The following CALN1 variants were observed in gnomAD, a reference collection of about 807,000 sequenced individuals.
The protein encoded by CALN1 is calneuron 1.
In CALN1, 17 loss-of-function variants were observed where a neutral mutation model predicts 30.6. The observed-to-expected ratio is 0.56, with a 90% CI of 0.38 to 0.83. The LOEUF (loss-of-function observed/expected upper bound fraction) is 0.83, where lower values mean the gene tolerates loss of function less well. Ranked by LOEUF, CALN1 falls within the 40% of genes least tolerant of loss-of-function variation. CALN1 has a pLI of 0.00. For missense variants in CALN1, 291 were observed against 354.9 expected, an observed-to-expected ratio of 0.82 and a Z score of 1.45; for synonymous variants, 156 against 131.4, an observed-to-expected ratio of 1.19 and a Z score of -1.28.
intron 2 of CALN1, among the ~76,000 whole-genome samples, chr7:72,302,800 C>T (rs915178357): frequency 2.0e-4 from 29 of 142,526 alleles, no homozygotes; most frequent in Non-Finnish European, 2.1e-4. Context: ...GAGACTGAGG[C>T]ACGAGAATTG....
intron 5 of CALN1, among the ~76,000 whole-genome samples, chr7:71,994,486 T>C (rs1379231009): frequency 8.1e-6 from 1 of 122,868 alleles, no homozygotes; most frequent in African/African-American, 3.3e-5. Context: ...CACTCCACCC[T>C]GGGCGACAGA....
intron 3 of CALN1, among the ~76,000 whole-genome samples, chr7:72,161,796 A>G (rs1333635704): frequency 2.0e-5 from 3 of 152,036 alleles, no homozygotes; most frequent in African/African-American, 7.2e-5. Context: ...GAGGGAGAGC[A>G]TCCGGAAGAA....
intron 5 of CALN1, among the ~76,000 whole-genome samples, chr7:71,841,810 G>C (rs1413661794): frequency 2.6e-5 from 4 of 151,982 alleles, no homozygotes; most frequent in Non-Finnish European, 5.9e-5. Flanking sequence ...GGTCCATATG[G>C]ACATAAAAAT....
At chr7:72,141,098 C>G (rs532228890) in intron 3 of CALN1, among the ~76,000 whole-genome samples, 21 of 152,290 alleles carry the variant, frequency 1.4e-4, no homozygotes, top group African/African-American at 4.8e-4. Context: ...TGGCTCCAGC[C>G]TCTCTGCGTC....
chr7:71,939,509 G>T (rs1264288164), intron 5 of CALN1, among the ~76,000 whole-genome samples: 1 of 151,466 alleles, frequency 6.6e-6, no homozygotes. Flanking sequence ...GGAGGCAGAG[G>T]TTGCAGCAAG....
At chr7:71,865,940 A>T (rs1186195637) in intron 5 of CALN1, among the ~76,000 whole-genome samples, 1 of 152,224 alleles carries the variant, frequency 6.6e-6, no homozygotes, top group Non-Finnish European at 1.5e-5. Flanking sequence ...AGTAGTAAAT[A>T]AAACACAAAA....
chr7:72,229,946 T>C (rs1465016617), intron 3 of CALN1, among the ~76,000 whole-genome samples: 1 of 151,700 alleles, frequency 6.6e-6, no homozygotes, highest in Non-Finnish European at 1.5e-5. Flanking sequence ...ATCGAGACCA[T>C]CCTGGCTAAC....
intron 2 of CALN1, among the ~76,000 whole-genome samples, chr7:72,387,215 AAGGAAGGGAAGGAAGGGAAGGGAG>A (rs1562938976): frequency 9.3e-6 from 1 of 107,362 alleles, no homozygotes; most frequent in African/African-American, 3.4e-5. Context: ...GGAGGGAAGG[AAGGAAGGGAAGGAAGGGAAGGGAG>A]GGGAGGGAGG....
chr7:71,913,549 A>T (rs1794534910), intron 5 of CALN1, among the ~76,000 whole-genome samples: 2 of 152,184 alleles, frequency 1.3e-5, no homozygotes, highest in Non-Finnish European at 2.9e-5. Context: ...TACAAGTTGC[A>T]AAAGGTTTTA....
intron 2 of CALN1, among the ~76,000 whole-genome samples, chr7:72,316,331 T>G (rs567118748): frequency 5.2e-3 from 787 of 150,594 alleles, no homozygotes; most frequent in Non-Finnish European, 7.4e-3. Context: ...GTAATTACGG[T>G]TTTTGCCATT....
chr7:72,205,551 A>AATATATACATATATAT, intron 3 of CALN1, among the ~76,000 whole-genome samples: 1 of 83,044 alleles, frequency 1.2e-5, no homozygotes, highest in Admixed American at 1.4e-4. Context: ...GCAAAAAAAA[A>AATATATACATATATAT]ATATATATAT....
At chr7:72,480,833 T>C in the CALN1 span, among the ~76,000 whole-genome samples, 1 of 152,176 alleles carries the variant, frequency 6.6e-6, no homozygotes, top group Non-Finnish European at 1.5e-5. Flanking sequence ...AAATTGTTCA[T>C]CATATTTTTT....
chr7:72,399,284 T>TTTC, intron 2 of CALN1, among the ~76,000 whole-genome samples: 1 of 147,088 alleles, frequency 6.8e-6, no homozygotes, highest in African/African-American at 2.6e-5. Context: ...TTTTTTTTTT[T>TTTC]TTTTTGAGAT....
chr7:71,826,525 T>C (rs773471044), intron 5 of CALN1, among the ~76,000 whole-genome samples: 5 of 152,170 alleles, frequency 3.3e-5, no homozygotes, highest in Non-Finnish European at 5.9e-5. Context: ...GTCCCCAGTC[T>C]CTGCTCCTGA....
rs754791061 is a variant in CALN1 at position 71,800,635 on chromosome 7, C to T, written c.658+9701G>A. ...TCGACTTCCAAATATAATATGCTTT[C>T]GTCGGCAATGAAATGGAAAATGAGC... On this transcript the variant is annotated intron_variant, in intron 6 of 6. Coordinates refer to ENST00000395275, the MANE Select transcript of CALN1 (RefSeq NM_031468.4). 5.9e-5 allele frequency among the ~76,000 whole-genome samples: 9 copies of T among 152,186 alleles called. 1 individual carries two copies. The Middle Eastern group carries it at 0.02, about 345-fold the overall frequency.
intron 2 of CALN1, among the ~76,000 whole-genome samples, chr7:72,332,813 T>A (rs562796221): frequency 9.9e-5 from 15 of 152,266 alleles, no homozygotes; most frequent in African/African-American, 3.6e-4. Context: ...ATTCATCCCA[T>A]CTTCTCCATC....
intron 3 of CALN1, among the ~76,000 whole-genome samples, chr7:72,274,925 G>T (rs1161007757): frequency 6.6e-6 from 1 of 152,100 alleles, no homozygotes; most frequent in Non-Finnish European, 1.5e-5. Context: ...AAGAAATAGG[G>T]ACTTCCCAGA....
chr7:71,903,541 C>T (rs1054735707), intron 5 of CALN1, among the ~76,000 whole-genome samples: 1 of 152,090 alleles, frequency 6.6e-6, no homozygotes. Context: ...ACATCTTATA[C>T]AAAAATCAAC....
At chr7:72,190,962 C>T (rs1790553172) in intron 3 of CALN1, among the ~76,000 whole-genome samples, 1 of 152,080 alleles carries the variant, frequency 6.6e-6, no homozygotes, top group African/African-American at 2.4e-5. Context: ...TACACATTCC[C>T]ATTTCTAATT....
Sources: allele counts gnomAD v4.1 joint callset (sites outside exome capture counted in the v4.1 genomes callset), GRCh38; gene constraint gnomAD v4.1.1; transcripts MANE v1.5; gene names NCBI Gene and HGNC (gene_info 2026-07-23, HGNC 2026-07-21).